PCNX1: variants seen among roughly 807,000 people sequenced by gnomAD.
The protein encoded by PCNX1 is pecanex-like protein 1.
Under a neutral mutation model 242.2 loss-of-function variants are expected in PCNX1, and 78 were observed. The observed-to-expected ratio is 0.32, with a 90% confidence interval of 0.27 to 0.39. The LOEUF (loss-of-function observed/expected upper bound fraction) is 0.39, where lower values mean the gene tolerates loss of function less well. Ranked by LOEUF, PCNX1 falls within the 10% of genes least tolerant of loss-of-function variation. The probability of loss-of-function intolerance (pLI) is 1.00; values close to 1 mark genes in which losing one functional copy is unlikely to be tolerated. For synonymous variants in PCNX1, 1,024 were observed against 1,032.9 expected, an observed-to-expected ratio of 0.99 and a Z score of 0.17; for missense variants, 2,581 against 2,856.5, an observed-to-expected ratio of 0.90 and a Z score of 2.20.
intron 11 of PCNX1, among the ~76,000 whole-genome samples, chr14:71,015,979 G>A (rs980594330): frequency 3.4e-4 from 51 of 152,192 alleles, no homozygotes; most frequent in African/African-American, 1.1e-3. Flanking sequence ...GATCTCTTGA[G>A]GCCCAATTTT....
intron 26 of PCNX1, among the ~76,000 whole-genome samples, chr14:71,068,205 C>G (rs1157069609): frequency 6.6e-6 from 1 of 151,778 alleles, no homozygotes; most frequent in African/African-American, 2.4e-5. Context: ...GTGGTGGACA[C>G]CTGTAATCCC....
At chr14:71,048,195 T>TAA (rs534109577) in intron 22 of PCNX1, among the ~76,000 whole-genome samples, 2 of 152,160 alleles carry the variant, frequency 1.3e-5, no homozygotes, top group African/African-American at 2.4e-5. Flanking sequence ...GCTAAGAAGA[T>TAA]AAAGTTACAT....
chr14:70,957,544 A>G (rs922425363), intron 2 of PCNX1, among the ~76,000 whole-genome samples: 10 of 152,194 alleles, frequency 6.6e-5, no homozygotes, highest in Admixed American at 5.2e-4. Flanking sequence ...ATATGATTCC[A>G]TTTATATAGA....
At chr14:70,995,667 A>G (rs1019425499) in intron 7 of PCNX1, 74 bp from the exon 8 acceptor site, 1 of 1,345,432 alleles carries the variant, frequency 7.4e-7, no homozygotes, top group Non-Finnish European at 1.0e-6. Context: ...TCAGTTTTCT[A>G]TGTTGACTTC....
rs1203708655 is a variant in PCNX1 at position 71,112,486 on chromosome 14, C to G, written c.*2551C>G. On this transcript the variant is annotated 3_prime_UTR_variant, in exon 36 of 36. Transcript: ENST00000304743. Reference sequence around the variant, plus strand: ...TGACAATCTTTTAAAAATCATAATACTTTTCTAGTAATTGCATCAGGGAAT... The same window carrying G: ...TGACAATCTTTTAAAAATCATAATAGTTTTCTAGTAATTGCATCAGGGAAT... The G allele has an allele frequency of 6.6e-6, 1 of 151,916 alleles. No homozygotes were observed. Among genetic ancestry groups the G allele is most frequent in the African/African-American group, 2.4e-5 (1 of 41,386 alleles). 9.4% of individuals were successfully genotyped at this position (151,916 alleles called of 1,614,324 possible). A position where few individuals can be genotyped will look rare whatever the true frequency, so the allele number is the denominator to read the frequency against.
intron 27 of PCNX1, among the ~76,000 whole-genome samples, chr14:71,074,601 C>G (rs777558198): frequency 2.6e-5 from 4 of 152,138 alleles, no homozygotes; most frequent in Non-Finnish European, 4.4e-5. Flanking sequence ...CTGTTGTCCA[C>G]CAAGGAAGCT....
chr14:70,979,051 T>C (rs1179994128), intron 6 of PCNX1, among the ~76,000 whole-genome samples: 1 of 152,196 alleles, frequency 6.6e-6, no homozygotes, highest in Non-Finnish European at 1.5e-5. Flanking sequence ...ACACTGAACT[T>C]TCAAAATTAG....
chr14:71,056,952 G>A (rs2061199542), intron 25 of PCNX1, among the ~76,000 whole-genome samples: 1 of 152,066 alleles, frequency 6.6e-6, no homozygotes, highest in Admixed American at 6.5e-5. Context: ...GAGATTCCAG[G>A]CATGAGCCAC....
At chr14:71,032,922 C>G (rs560117513) in intron 16 of PCNX1, among the ~76,000 whole-genome samples, 83 of 152,294 alleles carry the variant, frequency 5.4e-4, no homozygotes, top group South Asian at 2.3e-3. Flanking sequence ...TGAATGCCTG[C>G]TCAGTGCTGT....
At chr14:71,021,609 A>G (rs566481626) in intron 12 of PCNX1, among the ~76,000 whole-genome samples, 29 of 152,090 alleles carry the variant, frequency 1.9e-4, no homozygotes, top group Non-Finnish European at 3.8e-4. Context: ...AGACCCATCC[A>G]TACTTTCCTC....
rs766182654 is a variant in PCNX1, at chr14:70,977,173, G to A, written c.836G>A (p.Arg279Gln). 1.4e-5 allele frequency: 22 copies of A among 1,614,106 alleles called. No individual in the cohort carries two copies. The East Asian group carries it at 1.6e-4, about 11-fold the overall frequency. Reference sequence around the variant, plus strand: ...TCACACTCTTATAGAAAAGACCACCGGCCGCGAGGTGTACCACGGACTTCT... The same window carrying A: ...TCACACTCTTATAGAAAAGACCACCAGCCGCGAGGTGTACCACGGACTTCT... ...LHSHSYRKDH[R>Q]PRGVPRTSSS... Residue 279 changes from arginine to glutamine, a missense_variant, in exon 6 of 36, where the codon CGG becomes CAG. Physicochemically the swap from Arg to Gln is conservative, Grantham distance 43. Around this residue, in one of 9 missense-constraint regions of PCNX1, gnomAD observed 1,204 missense variants for 1,216.7 expected, o/e 0.99. Transcript: ENST00000304743.
At position 70,962,122 on chromosome 14, in the gene PCNX1, C is replaced by G. The variant is rs2058236616; in HGVS notation, c.363-104C>G. On this transcript the variant is annotated intron_variant, in intron 2 of 35. Coordinates refer to ENST00000304743, the MANE Select transcript of PCNX1 (RefSeq NM_014982.3). ...TATTTGCTGGATTAAAAATCAGAACCTCTTAGTTTTGTGGAAAAAAGTATA... is the reference window on the plus strand; with the variant it reads ...TATTTGCTGGATTAAAAATCAGAACGTCTTAGTTTTGTGGAAAAAAGTATA... 6 of 723,748 alleles carry G rather than the reference C, an allele frequency of 8.3e-6. No individual in the cohort carries two copies. The South Asian group carries it at 1.0e-4, about 13-fold the overall frequency. The allele number at this position is 723,748 out of a possible 1,614,324, so 44.8% of individuals were successfully genotyped here. A position where few individuals can be genotyped will look rare whatever the true frequency, so the allele number is the denominator to read the frequency against.
chr14:71,013,186 T>C lies in PCNX1; in HGVS notation c.2980T>C (p.Leu994=), dbSNP rs557920735. 5 of 1,612,862 alleles carry C rather than the reference T, an allele frequency of 3.1e-6. No homozygotes were observed. In the Admixed American group the frequency reaches 5.0e-5, roughly 16 times the overall value. ...CATTAACTTTGACAGACTCACACTTTTGGCCCTGTTTGATAGGTGAGATTA... is the reference window on the plus strand; with the variant it reads ...CATTAACTTTGACAGACTCACACTTCTGGCCCTGTTTGATAGGTGAGATTA... ...IGINFDRLTL[L]ALFDRNREIL... is the part of the protein sequence containing the mutation. Residue 994 remains leucine, a synonymous_variant, in exon 11 of 36, where the codon TTG becomes CTG. Transcript: ENST00000304743.
chr14:70,984,676 G>A (rs1484643575), intron 6 of PCNX1, among the ~76,000 whole-genome samples: 2 of 152,052 alleles, frequency 1.3e-5, no homozygotes, highest in Non-Finnish European at 2.9e-5. Context: ...GTGAGCCACC[G>A]CGACCTGCCG....
chr14:71,034,497 G>T (rs537016928), intron 18 of PCNX1, among the ~76,000 whole-genome samples: 21 of 152,296 alleles, frequency 1.4e-4, no homozygotes, highest in Non-Finnish European at 2.4e-4. Flanking sequence ...GGCTGAAGGA[G>T]AGAACAATAA....
chr14:70,938,598 G>A (rs916152854), intron 1 of PCNX1, among the ~76,000 whole-genome samples: 5 of 152,050 alleles, frequency 3.3e-5, no homozygotes, highest in Admixed American at 2.6e-4. Flanking sequence ...CTCTTTTTTG[G>A]TTGTGTCTCT....
At position 71,053,379 on chromosome 14, in the gene PCNX1, G is replaced by A. The variant is rs771858020; in HGVS notation, c.4577+1367G>A. ...CCTCCGCCTCCCGGAGTGCAATGGC[G>A]CCATCTTGATTCACTGCAACCTCCG... On this transcript the variant is annotated intron_variant, in intron 24 of 35. Coordinates refer to ENST00000304743, the MANE Select transcript of PCNX1 (RefSeq NM_014982.3). 26 of 422,418 alleles carry A rather than the reference G, an allele frequency of 6.2e-5. 1 individual carries two copies. Among genetic ancestry groups the A allele is most frequent in the South Asian group, 2.6e-4 (15 of 57,708 alleles). 26.2% of individuals were successfully genotyped at this position (422,418 alleles called of 1,614,324 possible). A position where few individuals can be genotyped will look rare whatever the true frequency, so the allele number is the denominator to read the frequency against.
At chr14:71,109,680 T>A in intron 35 of PCNX1, 88 bp downstream of exon 35, 1 of 1,571,918 alleles carries the variant, frequency 6.4e-7, no homozygotes, top group Non-Finnish European at 8.7e-7. Context: ...TGATTTATAC[T>A]TAAACGTATA....
intron 30 of PCNX1, among the ~76,000 whole-genome samples, chr14:71,100,906 C>G (rs1310788296): frequency 6.6e-6 from 1 of 152,164 alleles, no homozygotes; most frequent in Non-Finnish European, 1.5e-5. Context: ...AATTAAGCCT[C>G]TTTAAGCTTC....
Sources: gnomAD v4.1 joint callset for allele counts (sites outside exome capture counted in the v4.1 genomes callset) on GRCh38, gnomAD v4.1.1 for gene constraint, gnomAD v4.1.1 regional missense constraint, MANE v1.5 for transcripts, NCBI Gene and HGNC (gene_info 2026-07-23, HGNC 2026-07-21) for gene names.